The following DPP4 variants were observed in gnomAD, a reference collection of about 807,000 sequenced individuals.
DPP4 encodes the protein ADCP-2.
A neutral mutation model predicts 122.4 loss-of-function variants in DPP4; 93 were observed. That is an observed-to-expected ratio of 0.76 (90% CI 0.64 to 0.90). The LOEUF is 0.90. Among genes scored for constraint, DPP4 ranks in the 40% least tolerant of loss-of-function variants. The probability of loss-of-function intolerance (pLI) is 0.00; values close to 1 mark genes in which losing one functional copy is unlikely to be tolerated. For synonymous variants in DPP4, 321 were observed against 302.9 expected (o/e 1.06, Z -0.62); for missense variants, 914 against 907.3 (o/e 1.01, Z -0.09).
intron 2 of DPP4, among the ~76,000 whole-genome samples, chr2:162,057,189 T>C (rs143881667): frequency 7.9e-5 from 12 of 152,330 alleles, no homozygotes; most frequent in Non-Finnish European, 1.6e-4. Flanking sequence ...TATGAAATTC[T>C]CTATTGCAAT....
At chr2:162,008,104 A>G (rs1353985181) in intron 22 of DPP4, among the ~76,000 whole-genome samples, 1 of 151,918 alleles carries the variant, frequency 6.6e-6, no homozygotes, top group East Asian at 1.9e-4. Context: ...AGTAGCTTTC[A>G]CCTATTAAGA....
intron 2 of DPP4, among the ~76,000 whole-genome samples, chr2:162,063,526 T>C (rs1684852106): frequency 6.6e-6 from 1 of 151,494 alleles, no homozygotes; most frequent in Non-Finnish European, 1.5e-5. Flanking sequence ...GACTGCACAG[T>C]GAGGTAGAAG....
intron 2 of DPP4, among the ~76,000 whole-genome samples, chr2:162,061,754 C>A (rs1466258744): frequency 6.6e-6 from 1 of 152,170 alleles, no homozygotes; most frequent in Non-Finnish European, 1.5e-5. Flanking sequence ...TTAGCACTTA[C>A]TGTGTTATTC....
At chr2:162,046,584 C>G (rs902185572) in intron 4 of DPP4, 1 of 421,468 alleles carries the variant, frequency 2.4e-6, no homozygotes, top group Non-Finnish European at 4.6e-6. Flanking sequence ...TGTGTGTATA[C>G]GAGAGTCAAG....
intron 12 of DPP4, 97 bp downstream of exon 12, chr2:162,022,658 A>T: frequency 8.9e-7 from 1 of 1,126,896 alleles, no homozygotes; most frequent in Non-Finnish European, 1.3e-6. Flanking sequence ...TATTGCTATT[A>T]ATAACGTATC....
In DPP4 at chr2:162,047,425, T is replaced by A. The variant is rs1684226894; in HGVS notation, c.171A>T (p.Leu57Phe). Residue 57 changes from leucine to phenylalanine, a missense_variant, in exon 3 of 26, where the codon TTA becomes TTT. By Grantham distance (22) the Leu-to-Phe change is conservative. Coordinates refer to ENST00000360534, the MANE Select transcript of DPP4 (RefSeq NM_001935.4). Reference protein sequence around the residue: ...DYLKNTYRLKLYSLRWISDHE... With the variant: ...DYLKNTYRLKFYSLRWISDHE... Reference sequence around the variant, plus strand: ...TACCTGAAATCCATCTTAAGGAGTATAACTTCAGTCTATAAGTATTTTTTA... The same window carrying A: ...TACCTGAAATCCATCTTAAGGAGTAAAACTTCAGTCTATAAGTATTTTTTA... 1 of 1,574,590 alleles carries A rather than the reference T, an allele frequency of 6.4e-7. No homozygotes were observed.
chr2:162,027,176 C>T (rs1038369976), intron 10 of DPP4, among the ~76,000 whole-genome samples: 1 of 152,022 alleles, frequency 6.6e-6, no homozygotes, highest in African/African-American at 2.4e-5. Flanking sequence ...CATGGCAAAA[C>T]CCTGACTCTA....
intron 23 of DPP4, among the ~76,000 whole-genome samples, chr2:162,005,200 T>TCC (rs1267989956): frequency 6.6e-6 from 1 of 152,194 alleles, no homozygotes; most frequent in East Asian, 1.9e-4. Context: ...CACTGGTTCT[T>TCC]CCATCAGGCA....
intron 16 of DPP4, among the ~76,000 whole-genome samples, chr2:162,017,971 C>T (rs569870429): frequency 6.6e-6 from 1 of 151,526 alleles, no homozygotes; most frequent in African/African-American, 2.4e-5. Context: ...AAAGATTAAA[C>T]AAGATCATGA....
intron 23 of DPP4, among the ~76,000 whole-genome samples, chr2:162,000,028 AG>A (rs1275012941): frequency 6.6e-6 from 1 of 152,148 alleles, no homozygotes; most frequent in African/African-American, 2.4e-5. Context: ...TAACCCCAAA[AG>A]CTCATGTCCC....
At chr2:162,019,359 C>T in intron 14 of DPP4, 83 bp from the exon 15 acceptor site, 8 of 992,982 alleles carry the variant, frequency 8.1e-6, no homozygotes, top group Admixed American at 2.5e-5. Context: ...GACCCCAAGC[C>T]TAAGTGTGCA....
intron 10 of DPP4, among the ~76,000 whole-genome samples, chr2:162,026,828 A>G (rs899891352): frequency 6.6e-6 from 1 of 152,192 alleles, no homozygotes; most frequent in African/African-American, 2.4e-5. Context: ...GAAGTATGAA[A>G]AGCACAACAG....
Position 162,016,750 on chromosome 2 carries a change from C to A in DPP4, c.1567+18G>T. 1.3e-6 allele frequency: 2 copies of A among 1,586,834 alleles called. No individual in the cohort carries two copies. The highest frequency in any genetic ancestry group is 1.7e-6 in the Non-Finnish European group (2 of 1,161,810). On this transcript the variant is annotated intron_variant, in intron 18 of 25. Coordinates refer to ENST00000360534, the MANE Select transcript of DPP4 (RefSeq NM_001935.4). ...GGTGTTTCCATGAAAAGTACTATTC[C>A]AAAGGAATTTAACTTACTTGTTTCA...
chr2:162,057,843 G>A (rs1283617284), intron 2 of DPP4, among the ~76,000 whole-genome samples: 1 of 152,106 alleles, frequency 6.6e-6, no homozygotes, highest in African/African-American at 2.4e-5. Flanking sequence ...CACAATCTTG[G>A]CTCACTGCAA....
At chr2:162,048,049 T>A (rs888934161) in intron 2 of DPP4, among the ~76,000 whole-genome samples, 16 of 152,152 alleles carry the variant, frequency 1.1e-4, no homozygotes, top group African/African-American at 3.6e-4. Context: ...CAACGACTAC[T>A]GTAGTGGATG....
chr2:161,997,325 C>A (rs1384520242), intron 23 of DPP4, among the ~76,000 whole-genome samples: 1 of 152,132 alleles, frequency 6.6e-6, no homozygotes, highest in African/African-American at 2.4e-5. Flanking sequence ...GTCCATCCAT[C>A]CCAACATCAC....
intron 19 of DPP4, among the ~76,000 whole-genome samples, chr2:162,013,909 C>T (rs1438627162): frequency 6.6e-6 from 1 of 152,150 alleles, no homozygotes. Flanking sequence ...TTCTCAAAGA[C>T]TTGAAGTTTT....
At chr2:162,011,691 C>A in intron 20 of DPP4, 102 bp downstream of exon 20, 1 of 1,206,170 alleles carries the variant, frequency 8.3e-7, no homozygotes, top group East Asian at 2.4e-5. Context: ...ACAAATTCAT[C>A]CCAGAACACT....
chr2:162,006,054 T>TCATA, intron 22 of DPP4, among the ~76,000 whole-genome samples: 1 of 152,192 alleles, frequency 6.6e-6, no homozygotes, highest in Non-Finnish European at 1.5e-5. Flanking sequence ...CCCTGCATAC[T>TCATA]CATACCTTTC....
Sources: gnomAD v4.1 joint callset for allele counts (sites outside exome capture counted in the v4.1 genomes callset) on GRCh38, gnomAD v4.1.1 for gene constraint, MANE v1.5 for transcripts, NCBI Gene and HGNC (gene_info 2026-07-23, HGNC 2026-07-21) for gene names.